The following RNF128 variants were observed in gnomAD, a reference collection of about 807,000 sequenced individuals.
RNF128 encodes ring finger protein 128.
RNF128 carries 13 observed loss-of-function variants against 26.2 expected under a neutral mutation model. The ratio of observed to expected loss-of-function variants is 0.50; its 90% confidence interval spans 0.32 to 0.79. The LOEUF (loss-of-function observed/expected upper bound fraction) is 0.79. Among genes scored for constraint, RNF128 ranks in the 30% least tolerant of loss-of-function variants. RNF128 has a pLI of 0.03. For synonymous variants in RNF128, 149 were observed against 142.5 expected (o/e 1.05, Z -0.32); for missense variants, 315 against 349.7 (o/e 0.90, Z 0.79).
chrX:106,724,067 A>C (rs778083396), upstream of RNF128, among the ~76,000 whole-genome samples: 5 of 110,857 alleles, frequency 4.5e-5, no homozygotes, highest in Non-Finnish European at 9.4e-5. Flanking sequence ...AAATCGACAT[A>C]TCTAAAGTGA....
At chrX:106,700,500 A>G (rs965143607) in intron 1 of RNF128, among the ~76,000 whole-genome samples, 1 of 111,772 alleles carries the variant, frequency 8.9e-6, no homozygotes, top group Admixed American at 9.5e-5. Context: ...ATTCTCTTTT[A>G]TATGTGAAAA....
chrX:106,794,762 G>A (rs1407062948), intron 6 of RNF128, among the ~76,000 whole-genome samples: 11 of 110,640 alleles, frequency 9.9e-5, no homozygotes, highest in Admixed American at 9.7e-4. Context: ...CTATCTATCT[G>A]AAAAACAATG....
chrX:106,729,979 C>T (rs141376986), intron 1 of RNF128, among the ~76,000 whole-genome samples: 3 of 111,588 alleles, frequency 2.7e-5, no homozygotes, highest in Non-Finnish European at 5.7e-5. Context: ...CTGTGAATTA[C>T]GAAGGGGCCA....
chrX:106,705,413 C>G (rs1170959907), intron 1 of RNF128, among the ~76,000 whole-genome samples: 2 of 112,048 alleles, frequency 1.8e-5, no homozygotes, highest in East Asian at 5.6e-4. Flanking sequence ...GAAACTTAGT[C>G]AAGGCCTTAG....
At chrX:106,771,023 C>G (rs1252912332) in intron 1 of RNF128, among the ~76,000 whole-genome samples, 5 of 112,329 alleles carry the variant, frequency 4.5e-5, no homozygotes. Context: ...GAGGTCTACT[C>G]CAGACCCTGT....
chrX:106,726,085 AAC>A (rs1929387195), upstream of RNF128, among the ~76,000 whole-genome samples: 3 of 112,375 alleles, frequency 2.7e-5, no homozygotes, highest in African/African-American at 9.7e-5. Flanking sequence ...GGTGTGTGAA[AAC>A]AGTCATTCTT....
chrX:106,767,969 T>A lies in RNF128; in HGVS notation c.485-4944T>A, dbSNP rs764356983. On this transcript the variant is annotated intron_variant, in intron 1 of 6. Transcript: ENST00000255499. ...AAGGCCTTTTCTGCATCTACTGAGA[T>A]AATCATGTGGTTTTTATCTTTGGTT... 1.1e-3 allele frequency among the ~76,000 whole-genome samples: 127 copies of A among 112,110 alleles called. 1 individual carries two copies. The Middle Eastern group carries it at 0.046, about 40-fold the overall frequency.
chrX:106,728,242 A>G (rs1929442840), intron 1 of RNF128, among the ~76,000 whole-genome samples: 1 of 111,548 alleles, frequency 9.0e-6, no homozygotes, highest in Non-Finnish European at 1.9e-5. Flanking sequence ...ACAAAGGGGA[A>G]AAAAATGGAG....
At chrX:106,700,488 C>T (rs1161505795) in intron 1 of RNF128, among the ~76,000 whole-genome samples, 2 of 112,048 alleles carry the variant, frequency 1.8e-5, no homozygotes, top group Non-Finnish European at 3.8e-5. Context: ...AGCTACAAAA[C>T]AATTCTCTTT....
At chrX:106,709,172 A>C (rs749366217) in intron 1 of RNF128, among the ~76,000 whole-genome samples, 30 of 111,963 alleles carry the variant, frequency 2.7e-4, no homozygotes, top group Non-Finnish European at 4.9e-4. Context: ...TTTCATAATG[A>C]AAGTAGGCTT....
chrX:106,706,197 C>G (rs1203872463), intron 1 of RNF128, among the ~76,000 whole-genome samples: 1 of 111,286 alleles, frequency 9.0e-6, no homozygotes, highest in East Asian at 2.8e-4. Flanking sequence ...CCAAGGGTAG[C>G]TTTGCAGTGT....
chrX:106,782,599 C>A (rs1197381796), intron 2 of RNF128, among the ~76,000 whole-genome samples: 1 of 112,134 alleles, frequency 8.9e-6, no homozygotes, highest in Non-Finnish European at 1.9e-5. Flanking sequence ...AGTTATTTTA[C>A]TTTTTCAACC....
chrX:106,705,891 A>G (rs1342360272), intron 1 of RNF128, among the ~76,000 whole-genome samples: 2 of 111,624 alleles, frequency 1.8e-5, no homozygotes, highest in African/African-American at 6.5e-5. Context: ...CTTTGTGAGG[A>G]CTCCTTGGAG....
intron 1 of RNF128, among the ~76,000 whole-genome samples, chrX:106,718,602 A>G (rs906874866): frequency 9.1e-6 from 1 of 109,976 alleles, no homozygotes; most frequent in African/African-American, 3.3e-5. Flanking sequence ...CTCTGATTCA[A>G]TGCATCTGGG....
In RNF128 at chrX:106,795,753, A is replaced by G; in HGVS notation, c.*40A>G. ...GAAAACTTGAACCATTAGTAATAAC[A>G]GAACTGCCAATCAGGGCCTAGTTTC... On this transcript the variant is annotated 3_prime_UTR_variant, in exon 7 of 7. Coordinates refer to ENST00000255499, the MANE Select transcript of RNF128 (RefSeq NM_194463.2). 3 of 1,078,723 alleles carry G rather than the reference A, an allele frequency of 2.8e-6. No homozygotes were observed. The highest frequency in any genetic ancestry group is 3.7e-6 in the Non-Finnish European group (3 of 802,352). The allele number at this position is 1,078,723 out of a possible 1,213,427, so 88.9% of individuals were successfully genotyped here. A position where few individuals can be genotyped will look rare whatever the true frequency, so the allele number is the denominator to read the frequency against.
intron 1 of RNF128, among the ~76,000 whole-genome samples, chrX:106,709,629 C>T (rs750003819): frequency 2.7e-5 from 3 of 111,168 alleles, no homozygotes; most frequent in East Asian, 5.6e-4. Flanking sequence ...TCACCGCAAC[C>T]TCTGCCTCCC....
At chrX:106,741,919 C>T (rs751159853) in intron 1 of RNF128, among the ~76,000 whole-genome samples, 56 of 111,907 alleles carry the variant, frequency 5.0e-4, no homozygotes, top group African/African-American at 1.0e-3. Flanking sequence ...GGACATCTAA[C>T]GCAGTCAGGT....
intron 1 of RNF128, among the ~76,000 whole-genome samples, chrX:106,720,189 C>T (rs1321616637): frequency 9.1e-6 from 1 of 109,369 alleles, no homozygotes; most frequent in Non-Finnish European, 1.9e-5. Flanking sequence ...TCAACTTACC[C>T]CCATGCCTTG....
chrX:106,771,418 C>T (rs1026356033), intron 1 of RNF128, among the ~76,000 whole-genome samples: 2 of 112,699 alleles, frequency 1.8e-5, no homozygotes, highest in Non-Finnish European at 1.9e-5. Context: ...TGAGCTTGCC[C>T]GCCACTTTGT....
Sources: gnomAD v4.1 joint callset for allele counts (sites outside exome capture counted in the v4.1 genomes callset) on GRCh38, gnomAD v4.1.1 for gene constraint, MANE v1.5 for transcripts, NCBI Gene and HGNC (gene_info 2026-07-23, HGNC 2026-07-21) for gene names.